SNTG2: variants seen among roughly 807,000 people sequenced by gnomAD.
SNTG2 encodes the protein syntrophin gamma 2.
A neutral mutation model predicts 70.9 loss-of-function variants in SNTG2; 74 were observed. The ratio of observed to expected loss-of-function variants is 1.04; its 90% CI spans 0.86 to 1.27. The LOEUF (loss-of-function observed/expected upper bound fraction) is 1.27. Among genes scored for constraint, SNTG2 ranks in the 50% most tolerant of loss-of-function variants. The pLI is 0.00. For synonymous variants in SNTG2, 278 were observed against 273.8 expected (o/e 1.02, Z -0.15); for missense variants, 717 against 690.7 (o/e 1.04, Z -0.43).
intron 1 of SNTG2, among the ~76,000 whole-genome samples, chr2:1,046,018 C>G (rs1456777294): frequency 6.6e-6 from 1 of 152,060 alleles, no homozygotes; most frequent in East Asian, 1.9e-4. Context: ...CTGTGAGTCT[C>G]TAAGAACTTG....
At chr2:1,143,252 A>G (rs988904770) in intron 6 of SNTG2, among the ~76,000 whole-genome samples, 1 of 152,160 alleles carries the variant, frequency 6.6e-6, no homozygotes, top group East Asian at 1.9e-4. Context: ...TATGGGCTTG[A>G]GTTTTCAGAA....
At chr2:1,116,599 CGGGTGCCCTGGTGTGT>C (rs1666992843) in intron 4 of SNTG2, among the ~76,000 whole-genome samples, 1 of 54,720 alleles carries the variant, frequency 1.8e-5, no homozygotes, top group Admixed American at 2.1e-4. Context: ...CCCCGGTGTT[CGGGTGCCCTGGTGTGT>C]GGGTGCTCTG....
intron 1 of SNTG2, among the ~76,000 whole-genome samples, chr2:1,055,751 A>G (rs751762497): frequency 1.3e-5 from 2 of 152,212 alleles, no homozygotes; most frequent in Non-Finnish European, 2.9e-5. Flanking sequence ...GAAGGATTTA[A>G]CAGTGTGAAC....
chr2:1,127,611 A>C (rs1177416837), intron 4 of SNTG2, among the ~76,000 whole-genome samples: 1 of 151,698 alleles, frequency 6.6e-6, no homozygotes, highest in Non-Finnish European at 1.5e-5. Context: ...CCTTTGTGTC[A>C]TCATCAATTT....
chr2:1,261,476 A>G (rs1240491933), intron 13 of SNTG2, among the ~76,000 whole-genome samples: 2 of 152,180 alleles, frequency 1.3e-5, no homozygotes, highest in African/African-American at 2.4e-5. Flanking sequence ...TCTTAAAATT[A>G]TGTGTTCTGT....
intron 9 of SNTG2, among the ~76,000 whole-genome samples, chr2:1,225,786 G>A (rs548223235): frequency 5.9e-5 from 9 of 152,338 alleles, no homozygotes; most frequent in South Asian, 2.1e-4. Flanking sequence ...AAGTGCAGAT[G>A]CTCAGGGATG....
intron 1 of SNTG2, among the ~76,000 whole-genome samples, chr2:1,055,354 C>T (rs1243629280): frequency 3.9e-5 from 6 of 152,074 alleles, no homozygotes; most frequent in Non-Finnish European, 8.8e-5. Context: ...GTGCTGTTGC[C>T]TAGAGTGGGT....
chr2:1,255,873 A>AATATATATAAAT (rs1678051812), intron 12 of SNTG2, among the ~76,000 whole-genome samples: 3 of 26,206 alleles, frequency 1.1e-4, no homozygotes, highest in African/African-American at 3.1e-4. Context: ...AATATATATA[A>AATATATATAAAT]ATATATATAT....
chr2:1,268,997 C>T (rs1259340761), intron 14 of SNTG2, among the ~76,000 whole-genome samples: 2 of 152,104 alleles, frequency 1.3e-5, no homozygotes, highest in Non-Finnish European at 2.9e-5. Flanking sequence ...GGGAAGGTGA[C>T]AGGTTACAGG....
chr2:1,190,499 A>ATG (rs1168123749), intron 8 of SNTG2, among the ~76,000 whole-genome samples: 3 of 23,116 alleles, frequency 1.3e-4, no homozygotes, highest in Admixed American at 7.0e-4. Context: ...GGCTGACTAT[A>ATG]TATATATATA....
intron 4 of SNTG2, 39 bp downstream of exon 4, chr2:1,098,449 C>G: frequency 1.3e-6 from 2 of 1,576,950 alleles, no homozygotes; most frequent in South Asian, 1.1e-5. Flanking sequence ...GCATCACAGC[C>G]ATTTGTGAGA....
chr2:956,316 G>A (rs567950541), intron 1 of SNTG2, among the ~76,000 whole-genome samples: 22 of 151,748 alleles, frequency 1.4e-4, no homozygotes, highest in South Asian at 1.0e-3. Flanking sequence ...GGCATTCTGC[G>A]CGGACCTTTC....
chr2:1,012,113 A>G (rs1659744819), intron 1 of SNTG2, among the ~76,000 whole-genome samples: 1 of 152,202 alleles, frequency 6.6e-6, no homozygotes, highest in Non-Finnish European at 1.5e-5. Flanking sequence ...TTGAGATAAT[A>G]ATCTGCCTCC....
Position 984,862 on chromosome 2 carries a change from A to G in SNTG2, c.72+33794A>G, listed in dbSNP as rs190253321. On this transcript the variant is annotated intron_variant, in intron 1 of 16. Transcript: ENST00000308624. ...CCTTAGGTCTTCAAGTCTAATGCTT[A>G]TTTTATTGGGGCACAGTAGAAGTTT... Among the ~76,000 whole-genome samples the G allele has an allele frequency of 1.9e-3, 284 of 152,310 alleles. 1 individual carries two copies. Among genetic ancestry groups the G allele is most frequent in the African/African-American group, 6.5e-3 (271 of 41,568 alleles).
At chr2:1,219,506 ATCACT>A (rs1474753492) in intron 9 of SNTG2, among the ~76,000 whole-genome samples, 2 of 152,216 alleles carry the variant, frequency 1.3e-5, no homozygotes, top group Non-Finnish European at 2.9e-5. Flanking sequence ...ATTTCTGTGC[ATCACT>A]TTGCAACTCT....
At chr2:1,082,823 T>C (rs773452452) in intron 1 of SNTG2, among the ~76,000 whole-genome samples, 1 of 152,248 alleles carries the variant, frequency 6.6e-6, no homozygotes, top group Non-Finnish European at 1.5e-5. Context: ...TTTCTAATGA[T>C]CCAAAGGTGT....
chr2:1,269,904 C>T (rs1304933333), intron 14 of SNTG2, among the ~76,000 whole-genome samples: 1 of 152,178 alleles, frequency 6.6e-6, no homozygotes, highest in Non-Finnish European at 1.5e-5. Flanking sequence ...CACGTTTCTG[C>T]AGGACTGGGT....
intron 4 of SNTG2, among the ~76,000 whole-genome samples, chr2:1,122,822 C>A (rs748743461): frequency 6.6e-6 from 1 of 151,214 alleles, no homozygotes; most frequent in African/African-American, 2.4e-5. Context: ...CCCAAAGATT[C>A]CACAGAAAAA....
At chr2:1,027,968 A>G (rs1191257947) in intron 1 of SNTG2, among the ~76,000 whole-genome samples, 3 of 145,836 alleles carry the variant, frequency 2.1e-5, no homozygotes, top group Admixed American at 6.8e-5. Flanking sequence ...GAGTAAAGAG[A>G]TAAGCAGGTG....
Sources: allele counts gnomAD v4.1 joint callset (sites outside exome capture counted in the v4.1 genomes callset), GRCh38; gene constraint gnomAD v4.1.1; transcripts MANE v1.5; gene names NCBI Gene and HGNC (gene_info 2026-07-23, HGNC 2026-07-21).